Variants in CREBL2 observed in about 807,000 individuals in gnomAD.
The protein encoded by CREBL2 is cAMP-responsive element-binding protein-like 2.
In CREBL2, 4 loss-of-function variants were observed where a neutral mutation model predicts 19.5. The ratio of observed to expected loss-of-function variants is 0.20; its 90% CI spans 0.10 to 0.47. The LOEUF is 0.47. Ranked by LOEUF, CREBL2 falls within the 20% of genes least tolerant of loss-of-function variation. The pLI is 0.98. For synonymous variants in CREBL2, 42 were observed against 46.6 expected (o/e 0.90, Z 0.40); for missense variants, 85 against 145.1 (o/e 0.59, Z 2.13).
chr12:12,622,466 A>C (rs1026044936), intron 1 of CREBL2, among the ~76,000 whole-genome samples: 3 of 152,222 alleles, frequency 2.0e-5, no homozygotes, highest in Admixed American at 1.3e-4. Flanking sequence ...ACCAGAAGAC[A>C]GGGCTGTTAT....
At chr12:12,632,162 C>G (rs1333117293) in intron 1 of CREBL2, among the ~76,000 whole-genome samples, 3 of 143,914 alleles carry the variant, frequency 2.1e-5, no homozygotes, top group Non-Finnish European at 4.5e-5. Context: ...ACTGCAAGCT[C>G]CGCCTCCCGG....
chr12:12,632,841 G>A (rs114556842), intron 1 of CREBL2, among the ~76,000 whole-genome samples: 9,752 of 151,358 alleles, frequency 0.064, 508 homozygotes, highest in Admixed American at 0.15. Context: ...GGATGAACTA[G>A]GTCATCCTGC....
chr12:12,641,291 G>T (rs1945519783), intron 3 of CREBL2, among the ~76,000 whole-genome samples: 1 of 115,386 alleles, frequency 8.7e-6, no homozygotes, highest in Admixed American at 1.0e-4. Context: ...TCAACCTCTG[G>T]GAGCACAGAA....
intron 3 of CREBL2, among the ~76,000 whole-genome samples, chr12:12,638,018 G>C (rs543103704): frequency 3.9e-5 from 6 of 152,126 alleles, no homozygotes; most frequent in African/African-American, 1.4e-4. Flanking sequence ...GTCTCAAAAG[G>C]GGGGAACAAA....
rs758666586 is a variant in CREBL2 at position 12,611,912 on chromosome 12, A to G, written c.-261A>G. On this transcript the variant is annotated 5_prime_UTR_variant, in exon 1 of 4. Coordinates refer to ENST00000228865, the MANE Select transcript of CREBL2 (RefSeq NM_001310.4). Reference sequence around the variant, plus strand: ...CTCTCCAGAGCGTCTGTAAACACCCAGAGACTGTCATGGAGGGGGAGGAGG... The same window carrying G: ...CTCTCCAGAGCGTCTGTAAACACCCGGAGACTGTCATGGAGGGGGAGGAGG... 1.8e-6 allele frequency: 1 copy of G among 567,706 alleles called. No individual in the cohort carries two copies. The highest frequency in any genetic ancestry group is 3.1e-6 in the Non-Finnish European group (1 of 321,128). The allele number at this position is 567,706 out of a possible 1,614,324, so 35.2% of individuals were successfully genotyped here.
chr12:12,621,719 T>C (rs573313975), intron 1 of CREBL2, among the ~76,000 whole-genome samples: 5 of 152,216 alleles, frequency 3.3e-5, no homozygotes, highest in Non-Finnish European at 5.9e-5. Flanking sequence ...TCTTTCAGAG[T>C]GGAAGAGACC....
rs369378093 is a variant in CREBL2 at position 12,644,821 on chromosome 12, T to C, written c.*2823T>C. ...TTTGGCTAATTACAAAAAGTACAGG[T>C]TTAAACTGGACTTAGCTTGAGTTAA... On this transcript the variant is annotated 3_prime_UTR_variant, in exon 4 of 4. Transcript: ENST00000228865. The C allele has an allele frequency of 9.8e-5, 15 of 152,412 alleles. No individual in the cohort carries two copies. Among genetic ancestry groups the C allele is most frequent in the African/African-American group, 3.4e-4 (14 of 41,576 alleles). 9.4% of individuals were successfully genotyped at this position (152,412 alleles called of 1,614,324 possible).
intron 3 of CREBL2, 22 bp from the exon 4 acceptor site, chr12:12,641,972 A>T: frequency 6.5e-7 from 1 of 1,529,294 alleles, no homozygotes; most frequent in Non-Finnish European, 9.0e-7. Flanking sequence ...ACATTCTTAC[A>T]TTGGTAACTT....
At chr12:12,632,073 T>TTC (rs1945445920) in intron 1 of CREBL2, among the ~76,000 whole-genome samples, 1 of 119,586 alleles carries the variant, frequency 8.4e-6, no homozygotes, top group Admixed American at 8.3e-5. Flanking sequence ...CCTTTCTTTT[T>TTC]TTTTTTTTTT....
At chr12:12,632,236 C>T in intron 1 of CREBL2, among the ~76,000 whole-genome samples, 1 of 150,966 alleles carries the variant, frequency 6.6e-6, no homozygotes, top group East Asian at 1.9e-4. Context: ...CGCCACTACG[C>T]CCGGCTAATT....
At chr12:12,617,061 CCA>C (rs1945316534) in intron 1 of CREBL2, among the ~76,000 whole-genome samples, 1 of 152,126 alleles carries the variant, frequency 6.6e-6, no homozygotes. Context: ...TGCGAGTTCT[CCA>C]CACTCTGCCA....
chr12:12,637,050 T>G (rs1945480573), intron 2 of CREBL2, among the ~76,000 whole-genome samples: 1 of 152,240 alleles, frequency 6.6e-6, no homozygotes. Flanking sequence ...TTTCTTACTT[T>G]CTGCAGTGTA....
intron 3 of CREBL2, among the ~76,000 whole-genome samples, chr12:12,639,782 C>A (rs1222030493): frequency 1.3e-5 from 2 of 152,156 alleles, no homozygotes; most frequent in Admixed American, 1.3e-4. Flanking sequence ...GCTGGGCCGC[C>A]AGGGGTGACA....
intron 1 of CREBL2, among the ~76,000 whole-genome samples, chr12:12,623,248 T>C (rs1945374346): frequency 6.6e-6 from 1 of 152,150 alleles, no homozygotes; most frequent in Non-Finnish European, 1.5e-5. Context: ...TGCCTGGCTC[T>C]GTGCTGGATA....
rs545331918 is a variant in CREBL2 at position 12,641,182 on chromosome 12, G to C, written c.359-812G>C. On this transcript the variant is annotated intron_variant, in intron 3 of 3. Coordinates refer to ENST00000228865, the MANE Select transcript of CREBL2 (RefSeq NM_001310.4). The stretch of plus-strand genomic sequence containing the variant: ...TGTTGATTTCTTCATTATTGTGATT[G>C]CTCTGGGAGCACTTTAAATAGCTAT... Among the ~76,000 whole-genome samples the C allele has an allele frequency of 1.8e-4, 26 of 146,030 alleles. No individual in the cohort carries two copies. The East Asian group carries it at 4.0e-3, about 22-fold the overall frequency.
In CREBL2 at chr12:12,637,540, T is replaced by C. The variant is rs147834869; in HGVS notation, c.214-30T>C. 368 of 1,242,478 alleles carry C rather than the reference T, an allele frequency of 3.0e-4. 1 individual carries two copies. The African/African-American group carries it at 5.3e-3, about 18-fold the overall frequency. 77.0% of individuals were successfully genotyped at this position (1,242,478 alleles called of 1,614,324 possible). A position where few individuals can be genotyped will look rare whatever the true frequency, so the allele number is the denominator to read the frequency against. On this transcript the variant is annotated intron_variant, in intron 2 of 3. Transcript: ENST00000228865. ...TTAATTTAAATATGTTTTAAATTTA[T>C]ATTTATATTTAAAATTAAATATGTT...
chr12:12,612,940 C>T (rs180721612), intron 1 of CREBL2, among the ~76,000 whole-genome samples: 1 of 152,164 alleles, frequency 6.6e-6, no homozygotes, highest in Non-Finnish European at 1.5e-5. Context: ...GGCGCGATCT[C>T]GGCTCACCAC....
In CREBL2 at chr12:12,611,909, C is replaced by A. The variant is rs1011137413; in HGVS notation, c.-264C>A. ...CGGCTCTCCAGAGCGTCTGTAAACA[C>A]CCAGAGACTGTCATGGAGGGGGAGG... On this transcript the variant is annotated 5_prime_UTR_variant, in exon 1 of 4. Coordinates refer to ENST00000228865, the MANE Select transcript of CREBL2 (RefSeq NM_001310.4). 1.2e-5 allele frequency: 7 copies of A among 567,882 alleles called. No homozygotes were observed. The Admixed American group carries it at 1.4e-4, about 11-fold the overall frequency. The allele number at this position is 567,882 out of a possible 1,614,324, so 35.2% of individuals were successfully genotyped here. A position where few individuals can be genotyped will look rare whatever the true frequency, so the allele number is the denominator to read the frequency against.
intron 3 of CREBL2, among the ~76,000 whole-genome samples, chr12:12,638,617 T>G (rs1945494407): frequency 6.6e-6 from 1 of 152,048 alleles, no homozygotes; most frequent in Non-Finnish European, 1.5e-5. Context: ...TGTATTTTGA[T>G]TTACAGTTTA....
Sources: gnomAD v4.1 joint callset for allele counts (sites outside exome capture counted in the v4.1 genomes callset) on GRCh38, gnomAD v4.1.1 for gene constraint, MANE v1.5 for transcripts, NCBI Gene and HGNC (gene_info 2026-07-23, HGNC 2026-07-21) for gene names.